DLGAP4: variants seen among roughly 807,000 people sequenced by gnomAD.
The protein encoded by DLGAP4 is DLG associated protein 4.
A neutral mutation model predicts 86.9 loss-of-function variants in DLGAP4; 18 were observed. The ratio of observed to expected loss-of-function variants is 0.21; its 90% confidence interval spans 0.14 to 0.31. DLGAP4 has a LOEUF of 0.31. Among genes scored for constraint, DLGAP4 ranks in the 10% least tolerant of loss-of-function variants. The pLI is 1.00. For missense variants in DLGAP4, 1,085 were observed against 1,362.6 expected (o/e 0.80, Z 3.21); for synonymous variants, 548 against 574.3 (o/e 0.95, Z 0.65).
At chr20:36,466,927 T>G (rs1217006020) in intron 7 of DLGAP4, among the ~76,000 whole-genome samples, 3 of 144,286 alleles carry the variant, frequency 2.1e-5, no homozygotes, top group African/African-American at 5.4e-5. Flanking sequence ...TCGCTCTTGC[T>G]CTCTCTCTCT....
intron 2 of DLGAP4, among the ~76,000 whole-genome samples, chr20:36,380,442 G>T (rs1328744848): frequency 6.6e-6 from 1 of 151,952 alleles, no homozygotes; most frequent in African/African-American, 2.4e-5. Flanking sequence ...ATAATAATTA[G>T]CCAGGCATGG....
intron 2 of DLGAP4, among the ~76,000 whole-genome samples, chr20:36,418,364 C>A (rs779854361): frequency 6.6e-6 from 1 of 152,060 alleles, no homozygotes; most frequent in Non-Finnish European, 1.5e-5. Flanking sequence ...TCACCCACCT[C>A]GGCCTCCCAA....
chr20:36,493,680 G>A (rs944383437), intron 7 of DLGAP4, among the ~76,000 whole-genome samples: 2 of 152,210 alleles, frequency 1.3e-5, no homozygotes, highest in African/African-American at 2.4e-5. Context: ...CCAGCCCAGC[G>A]AGGAGGGGCC....
chr20:36,461,745 C>A, intron 7 of DLGAP4: 1 of 847,460 alleles, frequency 1.2e-6, no homozygotes, highest in Non-Finnish European at 1.4e-6. Context: ...GTCCGTCCGT[C>A]CGTCCGCCCG....
At chr20:36,422,682 C>T (rs1600509279) in intron 2 of DLGAP4, among the ~76,000 whole-genome samples, 1 of 152,138 alleles carries the variant, frequency 6.6e-6, no homozygotes. Context: ...TCTGGCACCA[C>T]GATGAGATGA....
At chr20:36,367,469 C>T (rs1014146836) in intron 2 of DLGAP4, among the ~76,000 whole-genome samples, 194 bp downstream of exon 2, 37 of 152,314 alleles carry the variant, frequency 2.4e-4, no homozygotes, top group African/African-American at 7.9e-4. Context: ...CCAGGAGGTG[C>T]GTGTGGTGAT....
chr20:36,494,984 GTTTTTT>G (rs752411826), intron 7 of DLGAP4, among the ~76,000 whole-genome samples: 3 of 75,390 alleles, frequency 4.0e-5, no homozygotes, highest in Non-Finnish European at 6.9e-5. Flanking sequence ...TTTTTGTTCG[GTTTTTT>G]TTTTTTTTTT....
intron 2 of DLGAP4, among the ~76,000 whole-genome samples, chr20:36,421,142 T>A (rs2032812683): frequency 6.7e-6 from 1 of 150,074 alleles, no homozygotes; most frequent in African/African-American, 2.5e-5. Context: ...AAGACCCTAT[T>A]TCAAAAAATA....
intron 7 of DLGAP4, chr20:36,462,748 A>G (rs1416688875): frequency 6.9e-6 from 8 of 1,153,420 alleles, no homozygotes; most frequent in African/African-American, 3.2e-5. Flanking sequence ...GGGAGGGGCC[A>G]GGCTGTCTGG....
intron 7 of DLGAP4, among the ~76,000 whole-genome samples, chr20:36,464,043 T>G (rs2034227838): frequency 6.6e-6 from 1 of 152,214 alleles, no homozygotes; most frequent in Non-Finnish European, 1.5e-5. Context: ...TCTAACATCC[T>G]TTGACCTTTT....
At chr20:36,525,033 ACGGTGAAAC>A (rs1569527128) in intron 11 of DLGAP4, among the ~76,000 whole-genome samples, 2 of 151,288 alleles carry the variant, frequency 1.3e-5, no homozygotes, top group African/African-American at 4.9e-5. Context: ...CCTGGCTAAC[ACGGTGAAAC>A]CCCTTCTGTA....
At chr20:36,310,259 G>A (rs2065042857) in intron 1 of DLGAP4, among the ~76,000 whole-genome samples, 1 of 151,440 alleles carries the variant, frequency 6.6e-6, no homozygotes, top group African/African-American at 2.4e-5. Flanking sequence ...AGAATTGCAT[G>A]GATAAAGGCA....
chr20:36,363,050 T>G (rs1555894345), intron 1 of DLGAP4, among the ~76,000 whole-genome samples: 1 of 152,150 alleles, frequency 6.6e-6, no homozygotes, highest in African/African-American at 2.4e-5. Flanking sequence ...AGGGTAAAAC[T>G]CCCTCTCAAT....
At chr20:36,436,462 GC>G in intron 4 of DLGAP4, 112 bp downstream of exon 4, 1 of 1,411,670 alleles carries the variant, frequency 7.1e-7, no homozygotes, top group Admixed American at 2.9e-5. Context: ...CTGCGTGGGA[GC>G]CACGCCCCCT....
chr20:36,421,318 C>T (rs138196010), intron 2 of DLGAP4, among the ~76,000 whole-genome samples: 9 of 151,716 alleles, frequency 5.9e-5, no homozygotes, highest in African/African-American at 1.7e-4. Context: ...ATTGGCTGGG[C>T]GTGGTGACGT....
At chr20:36,429,393 T>TTTTTC (rs1351382145) in intron 2 of DLGAP4, among the ~76,000 whole-genome samples, 2 of 139,204 alleles carry the variant, frequency 1.4e-5, no homozygotes. Context: ...CCTGTTTCTT[T>TTTTTC]TTTTCTTTTT....
chr20:36,419,603 C>T (rs2032764635), intron 2 of DLGAP4, among the ~76,000 whole-genome samples: 1 of 152,172 alleles, frequency 6.6e-6, no homozygotes, highest in African/African-American at 2.4e-5. Context: ...ACTTCAGGGG[C>T]TACTGCCATC....
At chr20:36,351,022 G>A (rs2030132315) in intron 1 of DLGAP4, among the ~76,000 whole-genome samples, 2 of 152,272 alleles carry the variant, frequency 1.3e-5, no homozygotes, top group African/African-American at 4.8e-5. Flanking sequence ...TCCAGCGTGT[G>A]CCGCCTGCCC....
At chr20:36,349,670 G>A (rs540852080) in intron 1 of DLGAP4, among the ~76,000 whole-genome samples, 19 of 152,204 alleles carry the variant, frequency 1.2e-4, no homozygotes, top group African/African-American at 3.9e-4. Flanking sequence ...TAAAAAGGGC[G>A]ATGGATATGA....
Sources: gnomAD v4.1 joint callset for allele counts (sites outside exome capture counted in the v4.1 genomes callset) on GRCh38, gnomAD v4.1.1 for gene constraint, MANE v1.5 for transcripts, NCBI Gene and HGNC (gene_info 2026-07-23, HGNC 2026-07-21) for gene names.